Variants in GABRA4 observed in about 807,000 individuals in gnomAD.
GABRA4 encodes gamma-aminobutyric acid type A receptor subunit alpha4.
In GABRA4, 12 loss-of-function variants were observed where a neutral mutation model predicts 49.7. The observed-to-expected ratio is 0.24, with a 90% CI of 0.15 to 0.39. GABRA4 has a LOEUF of 0.39. Ranked by LOEUF, GABRA4 falls within the 10% of genes least tolerant of loss-of-function variation. GABRA4 has a pLI of 1.00. For missense variants in GABRA4, 506 were observed against 686.0 expected, an observed-to-expected ratio of 0.74 and a Z score of 2.93; for synonymous variants, 288 against 240.2, an observed-to-expected ratio of 1.20 and a Z score of -1.84.
At chr4:46,932,423 G>A (rs1721469334) in intron 8 of GABRA4, among the ~76,000 whole-genome samples, 1 of 152,060 alleles carries the variant, frequency 6.6e-6, no homozygotes, top group South Asian at 2.1e-4. Context: ...AGGCTTTAAA[G>A]AACTTAACAA....
intron 8 of GABRA4, among the ~76,000 whole-genome samples, chr4:46,954,322 G>A (rs997353325): frequency 1.3e-5 from 2 of 151,862 alleles, no homozygotes; most frequent in African/African-American, 4.8e-5. Context: ...TTTGGGAGGC[G>A]GAGGCTGGTG....
chr4:46,931,985 G>T (rs1311442790), intron 8 of GABRA4, among the ~76,000 whole-genome samples: 2 of 152,118 alleles, frequency 1.3e-5, no homozygotes, highest in East Asian at 3.9e-4. Context: ...GTGTGTACCT[G>T]AAGTATCATT....
chr4:46,943,958 G>A (rs2109350643), intron 8 of GABRA4, among the ~76,000 whole-genome samples: 1 of 152,112 alleles, frequency 6.6e-6, no homozygotes, highest in South Asian at 2.1e-4. Context: ...TAGAATGGTG[G>A]ATACCAGTGG....
intron 8 of GABRA4, among the ~76,000 whole-genome samples, chr4:46,946,899 G>A (rs1475968931): frequency 6.6e-6 from 1 of 152,022 alleles, no homozygotes; most frequent in Admixed American, 6.6e-5. Context: ...AAAGCATTGT[G>A]GAATTAATAA....
At chr4:46,970,058 A>G (rs1722896306) in intron 7 of GABRA4, among the ~76,000 whole-genome samples, 2 of 151,286 alleles carry the variant, frequency 1.3e-5, no homozygotes, top group African/African-American at 2.4e-5. Flanking sequence ...GAAACCTAAG[A>G]TTAAAGGGAG....
Position 46,922,729 on chromosome 4 carries a change from C to T in GABRA4, c.*5496G>A, listed in dbSNP as rs1721079432. On this transcript the variant is annotated 3_prime_UTR_variant, in exon 9 of 9. Coordinates refer to ENST00000264318, the MANE Select transcript of GABRA4 (RefSeq NM_000809.4). Reference sequence around the variant, plus strand: ...TTAACCATTATGAAGTTGAAAAGTACATTGGAAGTTACAAAATAGAATAAT... The same window carrying T: ...TTAACCATTATGAAGTTGAAAAGTATATTGGAAGTTACAAAATAGAATAAT... The T allele has an allele frequency of 6.6e-6, 1 of 151,970 alleles. No homozygotes were observed. The highest frequency in any genetic ancestry group is 6.6e-5 in the Admixed American group (1 of 15,226). 9.4% of individuals were successfully genotyped at this position (151,970 alleles called of 1,614,324 possible). A position where few individuals can be genotyped will look rare whatever the true frequency, so the allele number is the denominator to read the frequency against.
In GABRA4 at chr4:46,977,663, G is replaced by A. The variant is rs778126265; in HGVS notation, c.274-33C>T. ...AATTATTTTGGAACATATTTAAGTT[G>A]CAAATGACTACACATAAGTATGTGA... On this transcript the variant is annotated intron_variant, in intron 3 of 8. Coordinates refer to ENST00000264318, the MANE Select transcript of GABRA4 (RefSeq NM_000809.4). 4.9e-6 allele frequency: 7 copies of A among 1,427,248 alleles called. No homozygotes were observed. In the East Asian group the frequency reaches 9.2e-5, roughly 19 times the overall value. The allele number at this position is 1,427,248 out of a possible 1,614,324, so 88.4% of individuals were successfully genotyped here. A position where few individuals can be genotyped will look rare whatever the true frequency, so the allele number is the denominator to read the frequency against.
Position 46,979,325 on chromosome 4 carries a change from A to G in GABRA4, c.206-227T>C, listed in dbSNP as rs41265719. Among the ~76,000 whole-genome samples, 1,382 of 152,216 alleles carry G rather than the reference A, an allele frequency of 9.1e-3. 20 individuals are homozygous for G. The highest frequency in any genetic ancestry group is 0.068 in the Middle Eastern group (20 of 294). ...CAAAAAGAAACCCCAATTACTTACC[A>G]GGAACCTTGTTTCTTCAAAGATACG... On this transcript the variant is annotated intron_variant, in intron 2 of 8. Transcript: ENST00000264318.
intron 7 of GABRA4, among the ~76,000 whole-genome samples, chr4:46,968,307 T>C (rs1722836821): frequency 6.6e-6 from 1 of 151,370 alleles, no homozygotes; most frequent in Admixed American, 6.6e-5. Flanking sequence ...ATTACAGACA[T>C]AATTTGTCTG....
At chr4:46,981,180 T>C (rs1039822262) in intron 2 of GABRA4, among the ~76,000 whole-genome samples, 12 of 152,104 alleles carry the variant, frequency 7.9e-5, no homozygotes, top group Non-Finnish European at 1.5e-5. Context: ...TTTTCTAGGA[T>C]AGTATTTACA....
intron 3 of GABRA4, among the ~76,000 whole-genome samples, chr4:46,978,705 A>G (rs984920714): frequency 2.7e-5 from 4 of 149,988 alleles, no homozygotes; most frequent in African/African-American, 4.9e-5. Flanking sequence ...AAAAAAAAAA[A>G]AAAAAAAAGA....
chr4:46,947,162 T>C (rs1722011352), intron 8 of GABRA4, among the ~76,000 whole-genome samples: 1 of 152,002 alleles, frequency 6.6e-6, no homozygotes. Context: ...TGCTCATGCC[T>C]TCATTTCCTT....
chr4:46,988,473 T>C (rs554955615), intron 2 of GABRA4, among the ~76,000 whole-genome samples: 1 of 152,340 alleles, frequency 6.6e-6, no homozygotes, highest in East Asian at 1.9e-4. Flanking sequence ...TTTGTCTATG[T>C]ATTTTTAAAG....
intron 2 of GABRA4, among the ~76,000 whole-genome samples, chr4:46,983,177 T>G (rs1358070233): frequency 1.3e-5 from 2 of 152,080 alleles, no homozygotes; most frequent in African/African-American, 2.4e-5. Flanking sequence ...TGTGCTAGCT[T>G]TACTATACTA....
intron 7 of GABRA4, among the ~76,000 whole-genome samples, chr4:46,967,248 A>C (rs761549535): frequency 2.6e-5 from 4 of 151,654 alleles, no homozygotes; most frequent in Admixed American, 6.6e-5. Flanking sequence ...ATAAATAATA[A>C]TACTACTCAG....
intron 8 of GABRA4, among the ~76,000 whole-genome samples, chr4:46,954,128 T>A (rs1362609472): frequency 2.6e-5 from 4 of 152,138 alleles, no homozygotes; most frequent in Non-Finnish European, 5.9e-5. Context: ...TTATTGCTGT[T>A]GGAGCAGTGT....
chr4:46,944,957 T>C (rs1183862673), intron 8 of GABRA4, among the ~76,000 whole-genome samples: 1 of 152,068 alleles, frequency 6.6e-6, no homozygotes, highest in Non-Finnish European at 1.5e-5. Context: ...TGAAAGTAAG[T>C]CAAATGAATT....
chr4:46,942,489 G>T (rs552098023), intron 8 of GABRA4, among the ~76,000 whole-genome samples: 1 of 152,142 alleles, frequency 6.6e-6, no homozygotes, highest in East Asian at 1.9e-4. Context: ...GCCAGACGTG[G>T]TGGTGCACAC....
rs1036674577 is a variant in GABRA4, at chr4:46,979,265, C to T, written c.206-167G>A. Among the ~76,000 whole-genome samples, 12 of 152,148 alleles carry T rather than the reference C, an allele frequency of 7.9e-5. No homozygotes were observed. The South Asian group carries it at 1.2e-3, about 16-fold the overall frequency. On this transcript the variant is annotated intron_variant, in intron 2 of 8. Coordinates refer to ENST00000264318, the MANE Select transcript of GABRA4 (RefSeq NM_000809.4). ...TCTACAAAACAAATGTAGACCAAAG[C>T]GCAACAAGACCAGAAAGCAGTGTTT...
Sources: gnomAD v4.1 joint callset for allele counts (sites outside exome capture counted in the v4.1 genomes callset) on GRCh38, gnomAD v4.1.1 for gene constraint, MANE v1.5 for transcripts, NCBI Gene and HGNC (gene_info 2026-07-23, HGNC 2026-07-21) for gene names.